Variants in PLEKHA5 observed in about 807,000 individuals in gnomAD.
The protein encoded by PLEKHA5 is pleckstrin homology domain-containing family A member 5.
A neutral mutation model predicts 181.9 loss-of-function variants in PLEKHA5; 55 were observed. The observed-to-expected ratio is 0.30, with a 90% CI of 0.24 to 0.38. The LOEUF (loss-of-function observed/expected upper bound fraction) is 0.38. Ranked by LOEUF, PLEKHA5 falls within the 10% of genes least tolerant of loss-of-function variation. The pLI is 1.00. For synonymous variants in PLEKHA5, 535 were observed against 529.4 expected, an observed-to-expected ratio of 1.01 and a Z score of -0.15; for missense variants, 1,432 against 1,549.5, an observed-to-expected ratio of 0.92 and a Z score of 1.27.
intron 15 of PLEKHA5, among the ~76,000 whole-genome samples, chr12:19,314,227 T>G (rs1307147714): frequency 6.6e-6 from 1 of 152,160 alleles, no homozygotes; most frequent in Non-Finnish European, 1.5e-5. Context: ...GCTGAATAAG[T>G]CTTAGTTTGC....
At chr12:19,161,619 G>A (rs2042989929) in intron 3 of PLEKHA5, among the ~76,000 whole-genome samples, 1 of 152,034 alleles carries the variant, frequency 6.6e-6, no homozygotes, top group African/African-American at 2.4e-5. Context: ...GCGAACCACC[G>A]TTTTAAACTG....
At chr12:19,334,829 A>AAAAAAAAAATATATATATATAT in intron 20 of PLEKHA5, among the ~76,000 whole-genome samples, 1 of 18,602 alleles carries the variant, frequency 5.4e-5, no homozygotes, top group Non-Finnish European at 1.4e-4. Context: ...AAAAAAAAAA[A>AAAAAAAAAATATATATATATAT]ATATATATAT....
intron 3 of PLEKHA5, among the ~76,000 whole-genome samples, chr12:19,215,176 C>CAA (rs57615722): frequency 3.5e-5 from 5 of 143,132 alleles, no homozygotes; most frequent in African/African-American, 7.6e-5. Context: ...GATTCCGTCT[C>CAA]AAAAAAAAAA....
At chr12:19,253,341 C>G (rs1022302172) in intron 3 of PLEKHA5, among the ~76,000 whole-genome samples, 1 of 151,450 alleles carries the variant, frequency 6.6e-6, no homozygotes, top group Non-Finnish European at 1.5e-5. Flanking sequence ...CTCCAAAATG[C>G]TGGGATTACA....
chr12:19,299,669 G>T (rs1417069186), intron 15 of PLEKHA5, among the ~76,000 whole-genome samples: 1 of 152,126 alleles, frequency 6.6e-6, no homozygotes, highest in Non-Finnish European at 1.5e-5. Flanking sequence ...AACCTTTAAG[G>T]GTTGTTAGGG....
intron 10 of PLEKHA5, among the ~76,000 whole-genome samples, chr12:19,272,340 T>C (rs1043968856): frequency 3.3e-5 from 5 of 152,202 alleles, no homozygotes; most frequent in African/African-American, 1.2e-4. Flanking sequence ...CTGAGTCAGC[T>C]TTGTTCCATT....
intron 29 of PLEKHA5, among the ~76,000 whole-genome samples, chr12:19,363,464 G>A (rs780527325): frequency 3.3e-4 from 50 of 150,472 alleles, no homozygotes; most frequent in Non-Finnish European, 5.9e-4. Flanking sequence ...ATCGTGCCTG[G>A]CCATTTTTAG....
At chr12:19,223,667 C>T (rs372684059) in intron 3 of PLEKHA5, among the ~76,000 whole-genome samples, 2 of 152,250 alleles carry the variant, frequency 1.3e-5, no homozygotes, top group South Asian at 2.1e-4. Flanking sequence ...GTCATTTAAA[C>T]TGTTCCTATA....
chr12:19,275,569 G>T (rs1451080457), intron 11 of PLEKHA5, among the ~76,000 whole-genome samples: 1 of 152,098 alleles, frequency 6.6e-6, no homozygotes, highest in Non-Finnish European at 1.5e-5. Context: ...TTTGAGACCA[G>T]CCTGGGCAAC....
intron 24 of PLEKHA5, among the ~76,000 whole-genome samples, chr12:19,347,631 C>T (rs1237427030): frequency 6.6e-6 from 1 of 151,868 alleles, no homozygotes; most frequent in East Asian, 1.9e-4. Context: ...AGAGATGTCA[C>T]CCCTGAAAAT....
chr12:19,358,554 A>C lies in PLEKHA5; in HGVS notation c.3348+117A>C, dbSNP rs769128333. The C allele has an allele frequency of 4.7e-6, 3 of 635,854 alleles. No individual in the cohort carries two copies. In the East Asian group the frequency reaches 8.3e-5, roughly 18 times the overall value. 39.4% of individuals were successfully genotyped at this position (635,854 alleles called of 1,614,324 possible). A position where few individuals can be genotyped will look rare whatever the true frequency, so the allele number is the denominator to read the frequency against. Reference sequence around the variant, plus strand: ...TCTGCAGTATGGATACTTATTTTATATTATTTAATTCTCCTAATAATAAGC... The same window carrying C: ...TCTGCAGTATGGATACTTATTTTATCTTATTTAATTCTCCTAATAATAAGC... On this transcript the variant is annotated intron_variant, in intron 27 of 31. Coordinates refer to ENST00000429027, the MANE Select transcript of PLEKHA5 (RefSeq NM_001256470.2).
At chr12:19,295,393 A>T (rs1329968567) in intron 15 of PLEKHA5, among the ~76,000 whole-genome samples, 1 of 152,176 alleles carries the variant, frequency 6.6e-6, no homozygotes, top group Non-Finnish European at 1.5e-5. Flanking sequence ...AGCCATAAGT[A>T]AAGTGTTGCC....
intron 15 of PLEKHA5, among the ~76,000 whole-genome samples, chr12:19,309,326 G>A (rs1410456113): frequency 6.6e-6 from 1 of 151,736 alleles, no homozygotes; most frequent in African/African-American, 2.4e-5. Context: ...ATCTACATCA[G>A]TGAAAGCTGT....
intron 3 of PLEKHA5, among the ~76,000 whole-genome samples, chr12:19,247,935 A>AAGAG (rs59039476): frequency 8.6e-5 from 13 of 150,294 alleles, no homozygotes; most frequent in African/African-American, 1.7e-4. Flanking sequence ...TTAAAAAAAA[A>AAGAG]AGAGAGAGAG....
intron 3 of PLEKHA5, among the ~76,000 whole-genome samples, chr12:19,146,621 G>T (rs1272703953): frequency 6.6e-6 from 1 of 152,154 alleles, no homozygotes; most frequent in African/African-American, 2.4e-5. Context: ...TTAAAAATAA[G>T]TGTAAATAGA....
intron 3 of PLEKHA5, among the ~76,000 whole-genome samples, chr12:19,160,032 A>G (rs781536308): frequency 1.3e-5 from 2 of 151,976 alleles, no homozygotes; most frequent in Non-Finnish European, 2.9e-5. Flanking sequence ...TTATTTGTTG[A>G]TGGGCCCCCA....
Position 19,241,592 on chromosome 12 carries a change from A to G in PLEKHA5, c.228-12348A>G, listed in dbSNP as rs139023773. Among the ~76,000 whole-genome samples the G allele has an allele frequency of 2.8e-3, 426 of 152,184 alleles. 3 individuals are homozygous for G. The highest frequency in any genetic ancestry group is 9.9e-3 in the African/African-American group (411 of 41,510). On this transcript the variant is annotated intron_variant, in intron 3 of 31. Transcript: ENST00000429027. The stretch of plus-strand genomic sequence containing the variant: ...GCCAACATGGTAAAACCCCGTCTCT[A>G]CTAAAAATACACAGATTAGCTGGGC...
chr12:19,371,385 T>C (rs944256450), intron 31 of PLEKHA5: 11 of 152,322 alleles, frequency 7.2e-5, no homozygotes, highest in African/African-American at 2.7e-4. Flanking sequence ...GGAAGAATTG[T>C]ATAGTGGTGA....
intron 25 of PLEKHA5, among the ~76,000 whole-genome samples, chr12:19,350,786 C>T (rs974717902): frequency 6.6e-5 from 10 of 151,998 alleles, no homozygotes; most frequent in African/African-American, 1.9e-4. Flanking sequence ...AGCAAACAAA[C>T]AAGAAAACAC....
Sources: allele counts gnomAD v4.1 joint callset (sites outside exome capture counted in the v4.1 genomes callset), GRCh38; gene constraint gnomAD v4.1.1; transcripts MANE v1.5; gene names NCBI Gene and HGNC (gene_info 2026-07-23, HGNC 2026-07-21).